The following PWP1 variants were observed in gnomAD, a reference collection of about 807,000 sequenced individuals.
PWP1 encodes PWP1 homolog, endonuclein.
PWP1 carries 47 observed loss-of-function variants against 69.9 expected under a neutral mutation model. The ratio of observed to expected loss-of-function variants is 0.67; its 90% CI spans 0.53 to 0.86. The LOEUF is 0.86. PWP1 is among the 40% of genes least tolerant of loss of function. The probability of loss-of-function intolerance (pLI) is 0.00; values close to 1 mark genes in which losing one functional copy is unlikely to be tolerated. For synonymous variants in PWP1, 222 were observed against 208.2 expected (o/e 1.07, Z -0.57); for missense variants, 551 against 608.8 (o/e 0.91, Z 1.00).
At chr12:107,692,741 A>G in intron 3 of PWP1, 73 bp from the exon 4 acceptor site, 1 of 1,283,804 alleles carries the variant, frequency 7.8e-7, no homozygotes, top group Non-Finnish European at 1.1e-6. Context: ...AAGTCCAAGA[A>G]TGGATGTCAT....
chr12:107,702,665 T>C (rs998489136), intron 8 of PWP1, among the ~76,000 whole-genome samples: 3 of 152,226 alleles, frequency 2.0e-5, no homozygotes. Flanking sequence ...TAGATCAGTT[T>C]ATAGCTCCAT....
chr12:107,710,111 T>C (rs920334635), intron 13 of PWP1, among the ~76,000 whole-genome samples: 1 of 152,192 alleles, frequency 6.6e-6, no homozygotes, highest in Admixed American at 6.5e-5. Context: ...ACATTAGGTT[T>C]GTTAGGAAAT....
intron 10 of PWP1, among the ~76,000 whole-genome samples, chr12:107,704,379 T>G (rs532851256): frequency 6.0e-4 from 91 of 152,186 alleles, no homozygotes; most frequent in Non-Finnish European, 9.4e-4. Flanking sequence ...AGAGGATTCT[T>G]CTTGCGAGTG....
chr12:107,689,138 A>T (rs1437941717), intron 3 of PWP1, among the ~76,000 whole-genome samples: 1 of 152,194 alleles, frequency 6.6e-6, no homozygotes, highest in African/African-American at 2.4e-5. Flanking sequence ...CCTCAACTGC[A>T]GTCAGTCTTC....
chr12:107,693,077 G>T lies in PWP1; in HGVS notation c.483G>T (p.Gln161His). The T allele has an allele frequency of 6.2e-7, 1 of 1,612,136 alleles. No homozygotes were observed. The highest frequency in any genetic ancestry group is 8.5e-7 in the Non-Finnish European group (1 of 1,179,440). Reference sequence around the variant, plus strand: ...TTTGTGGCCGAGCTGAACAGGACCAGTGCAATTTAGAGGTGCATGGTAAGT... The same window carrying T: ...TTTGTGGCCGAGCTGAACAGGACCATTGCAATTTAGAGGTGCATGGTAAGT... ...LIVCGRAEQD[Q>H]CNLEVHVYNQ... The change falls in exon 5 of 15, where the codon CAG becomes CAT. Residue 161 changes from glutamine (Q) to histidine (H), a missense_variant. Transcript: ENST00000412830.
chr12:107,708,999 A>G lies in PWP1; in HGVS notation c.1151A>G (p.His384Arg). Residue 384 changes from histidine (H) to arginine (R), a missense_variant, in exon 12 of 15, where the codon CAC becomes CGC. By Grantham distance (29) the His-to-Arg change is conservative (BLOSUM62 0). Coordinates refer to ENST00000412830, the MANE Select transcript of PWP1 (RefSeq NM_007062.3). ...AAGCCAATTTTTACACTTAATGCAC[A>G]CAATGATGAAATCTCTGGTGAGCAA... ...SDKPIFTLNA[H>R]NDEISGLDLS... 6.2e-7 allele frequency: 1 copy of G among 1,613,890 alleles called. No homozygotes were observed.
chr12:107,706,806 TGTA>T (rs1353460210), intron 11 of PWP1, among the ~76,000 whole-genome samples: 1 of 152,246 alleles, frequency 6.6e-6, no homozygotes, highest in Non-Finnish European at 1.5e-5. Context: ...ACTGTAGCCT[TGTA>T]GTATAGTTTG....
Position 107,713,108 on chromosome 12 carries a change from C to T in PWP1, c.*888C>T, listed in dbSNP as rs1889992015. 1 of 152,052 alleles carries T rather than the reference C, an allele frequency of 6.6e-6. No homozygotes were observed. The highest frequency in any genetic ancestry group is 1.5e-5 in the Non-Finnish European group (1 of 68,012). 9.4% of individuals were successfully genotyped at this position (152,052 alleles called of 1,614,324 possible). ...CATTGGTGTAGCAACGTGGGTTCAC[C>T]AAAACACCTTTTTATACAAAAGACA... On this transcript the variant is annotated 3_prime_UTR_variant, in exon 15 of 15. Coordinates refer to ENST00000412830, the MANE Select transcript of PWP1 (RefSeq NM_007062.3).
Position 107,692,817 on chromosome 12 carries a change from C to G in PWP1, c.323C>G (p.Ala108Gly). 1 of 1,610,280 alleles carries G rather than the reference C, an allele frequency of 6.2e-7. No individual in the cohort carries two copies. Among genetic ancestry groups the G allele is most frequent in the South Asian group, 1.1e-5 (1 of 90,252 alleles). Residue 108 changes from alanine to glycine, a missense_variant, in exon 4 of 15, where the codon GCT becomes GGT. By Grantham distance (60) the Ala-to-Gly change is moderately conservative (BLOSUM62 0). Transcript: ENST00000412830. ...AGTTTGTCAATTTTTCTTACAGATG[C>G]TGAGACTCTTGGTGAATCTCTCTTG... ...DKYDEEGDPD[A>G]ETLGESLLGL...
Position 107,685,817 on chromosome 12 carries a change from C to A in PWP1, c.-83C>A. The A allele has an allele frequency of 1.4e-6, 2 of 1,479,668 alleles. No homozygotes were observed. The highest frequency in any genetic ancestry group is 1.7e-5 in the Admixed American group (1 of 59,158). 91.7% of individuals were successfully genotyped at this position (1,479,668 alleles called of 1,614,324 possible). A position where few individuals can be genotyped will look rare whatever the true frequency, so the allele number is the denominator to read the frequency against. On this transcript the variant is annotated 5_prime_UTR_variant, in exon 1 of 15. Coordinates refer to ENST00000412830, the MANE Select transcript of PWP1 (RefSeq NM_007062.3). The stretch of plus-strand genomic sequence containing the variant: ...CCCTGGCAGCGGCCCTGTGCAGATC[C>A]CTGAGCGTGTGGCAGCAGTGCGGTC...
rs1181671908 is a variant in PWP1 at position 107,696,597 on chromosome 12, CTT to C, written c.613+14_613+15del. On this transcript the variant is annotated intron_variant, in intron 6 of 14. Transcript: ENST00000412830. ...GATGATTCTACTGGTAATTAGAAAACTTAAGGTTGTTCAATGATTTCCAGTCT... is the reference window on the plus strand; with the variant it reads ...GATGATTCTACTGGTAATTAGAAAACAAGGTTGTTCAATGATTTCCAGTCT... The C allele has an allele frequency of 6.2e-7, 1 of 1,613,392 alleles. No homozygotes were observed. The highest frequency in any genetic ancestry group is 1.3e-5 in the African/African-American group (1 of 74,992).
At chr12:107,690,811 C>G (rs1208317261) in intron 3 of PWP1, among the ~76,000 whole-genome samples, 2 of 152,044 alleles carry the variant, frequency 1.3e-5, no homozygotes, top group African/African-American at 4.8e-5. Context: ...GTTCGTGATG[C>G]CCTCTCCACT....
intron 10 of PWP1, 72 bp downstream of exon 10, chr12:107,703,818 G>C: frequency 7.1e-7 from 1 of 1,416,876 alleles, no homozygotes; most frequent in Non-Finnish European, 9.9e-7. Context: ...AGTATCACTT[G>C]GTACCCAGGC....
intron 5 of PWP1, among the ~76,000 whole-genome samples, chr12:107,695,071 C>T (rs762599278): frequency 4.8e-5 from 7 of 147,108 alleles, no homozygotes; most frequent in Admixed American, 2.1e-4. Context: ...CTGGCTAACA[C>T]GGTAAAACCC....
Position 107,710,433 on chromosome 12 carries a change from C to T in PWP1, c.1319C>T (p.Pro440Leu). The T allele has an allele frequency of 1.2e-6, 2 of 1,613,178 alleles. No homozygotes were observed. Among genetic ancestry groups the T allele is most frequent in the South Asian group, 1.1e-5 (1 of 91,046 alleles). Residue 440 changes from proline to leucine, a missense_variant, in exon 14 of 15, where the codon CCT becomes CTT. By Grantham distance (98) the Pro-to-Leu change is moderately conservative. Coordinates refer to ENST00000412830, the MANE Select transcript of PWP1 (RefSeq NM_007062.3). Reference sequence around the variant, plus strand: ...GTTCTCTTCTGTTCTTCATGTTGCCCTGATTTGCCATTTATTTATGCCTTT... The same window carrying T: ...GTTCTCTTCTGTTCTTCATGTTGCCTTGATTTGCCATTTATTTATGCCTTT... ...MGVLFCSSCC[P>L]DLPFIYAFGG...
intron 13 of PWP1, 59 bp from the exon 14 acceptor site, chr12:107,710,346 T>TC (rs1162741229): frequency 6.3e-7 from 1 of 1,594,780 alleles, no homozygotes; most frequent in Non-Finnish European, 8.5e-7. Context: ...ACAGTGAGGA[T>TC]CTAGATATTA....
intron 1 of PWP1, among the ~76,000 whole-genome samples, chr12:107,686,969 C>CAAAAAAAA (rs61728433): frequency 1.9e-5 from 2 of 106,872 alleles, no homozygotes; most frequent in Non-Finnish European, 3.8e-5. Context: ...GACTCCGTCT[C>CAAAAAAAA]AAAAAAAAAA....
At chr12:107,710,552 TAAAAAA>T (rs35371581) in intron 14 of PWP1, 42 bp downstream of exon 14, 251 of 1,157,678 alleles carry the variant, frequency 2.2e-4, no homozygotes, top group East Asian at 1.0e-3. Flanking sequence ...CCTGCCCCTG[TAAAAAA>T]AAAAAAAAAA....
Position 107,692,876 on chromosome 12 carries a change from C to T in PWP1, c.382C>T (p.Pro128Ser). Residue 128 changes from proline to serine, a missense_variant, in exon 4 of 15, where the codon CCT becomes TCT. By Grantham distance (74) the Pro-to-Ser change is moderately conservative (BLOSUM62 -1). Transcript: ENST00000412830. ...GGTCTACGGGAGTAATGATCAAGAT[C>T]CTTACGTTACTCTGAAAGATACAGT... ...LTVYGSNDQD[P>S]YVTLKDTEQY... The T allele has an allele frequency of 6.2e-7, 1 of 1,613,910 alleles. No homozygotes were observed. The highest frequency in any genetic ancestry group is 8.5e-7 in the Non-Finnish European group (1 of 1,179,888).
Sources: allele counts gnomAD v4.1 joint callset (sites outside exome capture counted in the v4.1 genomes callset), GRCh38; gene constraint gnomAD v4.1.1; transcripts MANE v1.5; gene names NCBI Gene and HGNC (gene_info 2026-07-23, HGNC 2026-07-21).